The following DPP10 variants were observed in gnomAD, a reference collection of about 807,000 sequenced individuals.
DPP10 encodes the protein dipeptidyl peptidase like 10.
In DPP10, 33 loss-of-function variants were observed where a neutral mutation model predicts 120.9. That is an observed-to-expected ratio of 0.27 (90% CI 0.21 to 0.37). The LOEUF (loss-of-function observed/expected upper bound fraction) is 0.37. DPP10 is among the 10% of genes least tolerant of loss of function. The pLI, the probability that DPP10 is intolerant of heterozygous loss-of-function variation, is 1.00. For missense variants in DPP10, 816 were observed against 942.8 expected, an observed-to-expected ratio of 0.87 and a Z score of 1.76; for synonymous variants, 337 against 326.1, an observed-to-expected ratio of 1.03 and a Z score of -0.36.
chr2:114,477,998 T>C (rs1209235523), intron 1 of DPP10, among the ~76,000 whole-genome samples: 2 of 151,260 alleles, frequency 1.3e-5, no homozygotes, highest in African/African-American at 4.9e-5. Flanking sequence ...TATATGTGTA[T>C]ATATGTATGT....
intron 3 of DPP10, among the ~76,000 whole-genome samples, chr2:115,423,740 G>A (rs1358078148): frequency 6.6e-6 from 1 of 152,162 alleles, no homozygotes; most frequent in Non-Finnish European, 1.5e-5. Flanking sequence ...TTGTGGGACT[G>A]TTGTCTGATA....
intron 1 of DPP10, among the ~76,000 whole-genome samples, chr2:114,978,984 T>C (rs888629124): frequency 7.2e-5 from 11 of 152,158 alleles, no homozygotes; most frequent in African/African-American, 2.4e-4. Flanking sequence ...CATTTTGTCA[T>C]GTTCAAATAC....
chr2:114,658,207 T>C (rs1043385303), intron 1 of DPP10, among the ~76,000 whole-genome samples: 1 of 152,040 alleles, frequency 6.6e-6, no homozygotes, highest in African/African-American at 2.4e-5. Context: ...AGACTACCAT[T>C]TGAGTTGACT....
At chr2:114,826,046 G>A (rs1316209766) in intron 1 of DPP10, among the ~76,000 whole-genome samples, 2 of 152,144 alleles carry the variant, frequency 1.3e-5, no homozygotes, top group Non-Finnish European at 2.9e-5. Flanking sequence ...AAGGCAGATA[G>A]CAAAGCATCT....
intron 15 of DPP10, among the ~76,000 whole-genome samples, chr2:115,778,852 C>T (rs1255250378): frequency 5.9e-5 from 9 of 151,978 alleles, no homozygotes; most frequent in Admixed American, 5.3e-4. Context: ...CCTCCTGGAA[C>T]GCATGTTCTT....
intron 1 of DPP10, among the ~76,000 whole-genome samples, chr2:115,017,923 A>G (rs949379086): frequency 2.0e-5 from 3 of 152,094 alleles, no homozygotes; most frequent in African/African-American, 7.2e-5. Context: ...TAATAGGTGC[A>G]GCACACCAAC....
intron 1 of DPP10, among the ~76,000 whole-genome samples, chr2:114,976,668 C>G (rs1487201760): frequency 1.3e-5 from 2 of 152,016 alleles, no homozygotes; most frequent in African/African-American, 4.8e-5. Flanking sequence ...TTGTAAGTAA[C>G]TTCTCTGCAA....
At position 114,479,907 on chromosome 2, in the gene DPP10, C is replaced by T. The variant is rs1007771387; in HGVS notation, c.60+37069C>T. On this transcript the variant is annotated intron_variant, in intron 1 of 25. Transcript: ENST00000410059. ...AGAGCTTATGCACAGCAAAAGAAAC[C>T]ACCATCAGAGTGAACAGGCAACCTA... is the stretch of plus-strand genomic sequence containing the variant. Among the ~76,000 whole-genome samples, 18 of 152,092 alleles carry T rather than the reference C, an allele frequency of 1.2e-4. No individual in the cohort carries two copies. In the East Asian group the frequency reaches 1.5e-3, roughly 13 times the overall value.
intron 1 of DPP10, among the ~76,000 whole-genome samples, chr2:114,796,583 G>A (rs6733375): frequency 0.61 from 92,181 of 151,448 alleles, 28,241 homozygotes; most frequent in East Asian, 0.78. Context: ...GTTAAAAGTT[G>A]TACTCAGATT....
intron 1 of DPP10, among the ~76,000 whole-genome samples, chr2:114,730,004 T>G (rs2105938335): frequency 6.6e-6 from 1 of 152,338 alleles, no homozygotes. Flanking sequence ...AAATAACTTG[T>G]TTTGCTGTGT....
intron 7 of DPP10, among the ~76,000 whole-genome samples, chr2:115,693,376 T>C (rs2091422239): frequency 6.6e-6 from 1 of 152,044 alleles, no homozygotes; most frequent in South Asian, 2.1e-4. Flanking sequence ...CACTCTGATG[T>C]TGTGAACAAT....
rs545465993 is a variant in DPP10 at position 114,819,250 on chromosome 2, A to T, written c.60+376412A>T. 1.5e-3 allele frequency among the ~76,000 whole-genome samples: 234 copies of T among 151,966 alleles called. 1 individual carries two copies. The highest frequency in any genetic ancestry group is 5.0e-3 in the African/African-American group (209 of 41,432). The stretch of plus-strand genomic sequence containing the variant: ...GTTTCAAGGAAAAAGGAAGTTTCAT[A>T]AAATAATTTCAATAGATGTCTCGTT... On this transcript the variant is annotated intron_variant, in intron 1 of 25. Transcript: ENST00000410059.
At chr2:114,769,660 G>C (rs1681073256) in intron 1 of DPP10, among the ~76,000 whole-genome samples, 1 of 152,146 alleles carries the variant, frequency 6.6e-6, no homozygotes, top group South Asian at 2.1e-4. Context: ...CTCATTACTA[G>C]AGTATGATTC....
intron 1 of DPP10, among the ~76,000 whole-genome samples, chr2:115,302,220 C>A (rs535342315): frequency 1.3e-5 from 2 of 152,058 alleles, no homozygotes; most frequent in South Asian, 4.1e-4. Context: ...TGCCCCCCGT[C>A]ATCCACCAGG....
intron 8 of DPP10, among the ~76,000 whole-genome samples, chr2:115,733,746 G>A (rs1350544977): frequency 6.6e-6 from 1 of 152,170 alleles, no homozygotes; most frequent in Non-Finnish European, 1.5e-5. Context: ...TCTCAGTATT[G>A]TGGAAGTGCT....
At chr2:115,007,706 G>A (rs1349279502) in intron 1 of DPP10, among the ~76,000 whole-genome samples, 2 of 151,744 alleles carry the variant, frequency 1.3e-5, no homozygotes, top group Non-Finnish European at 2.9e-5. Context: ...ATCTCCTTAA[G>A]CTGATAAGCA....
chr2:115,172,180 A>C (rs1177255367), intron 1 of DPP10, among the ~76,000 whole-genome samples: 1 of 152,180 alleles, frequency 6.6e-6, no homozygotes, highest in East Asian at 1.9e-4. Flanking sequence ...TTCTTGGGAC[A>C]TTAATGGAAA....
At position 115,473,611 on chromosome 2, in the gene DPP10, G is replaced by A. The variant is rs955700859; in HGVS notation, c.272-25899G>A. Among the ~76,000 whole-genome samples the A allele has an allele frequency of 2.6e-5, 4 of 152,142 alleles. No individual in the cohort carries two copies. In the East Asian group the frequency reaches 7.7e-4, roughly 29 times the overall value. Reference sequence around the variant, plus strand: ...TCAATGGCTCCAGGATGAGTTTTCTGTCTTCCAAAGCCTCTGTCTGGCTGG... The same window carrying A: ...TCAATGGCTCCAGGATGAGTTTTCTATCTTCCAAAGCCTCTGTCTGGCTGG... On this transcript the variant is annotated intron_variant, in intron 3 of 25. Transcript: ENST00000410059.
At chr2:115,730,673 C>T (rs527739782) in intron 8 of DPP10, among the ~76,000 whole-genome samples, 9 of 152,176 alleles carry the variant, frequency 5.9e-5, no homozygotes, top group African/African-American at 9.6e-5. Flanking sequence ...CTGACAAATA[C>T]GGTAATTTTC....
Sources: gnomAD v4.1 joint callset for allele counts (sites outside exome capture counted in the v4.1 genomes callset) on GRCh38, gnomAD v4.1.1 for gene constraint, MANE v1.5 for transcripts, NCBI Gene and HGNC (gene_info 2026-07-23, HGNC 2026-07-21) for gene names.